Variants in NDST3 observed in about 807,000 individuals in gnomAD.
The protein encoded by NDST3 is N-deacetylase and N-sulfotransferase 3, also known as bifunctional heparan sulfate N-deacetylase/N-sulfotransferase 3.
In NDST3, 58 loss-of-function variants were observed where a neutral mutation model predicts 96.1. That is an observed-to-expected ratio of 0.60 (90% CI 0.49 to 0.75). The LOEUF (loss-of-function observed/expected upper bound fraction) is 0.75, where lower values mean the gene tolerates loss of function less well. Ranked by LOEUF, NDST3 falls within the 30% of genes least tolerant of loss-of-function variation. The pLI is 0.00. For synonymous variants in NDST3, 333 were observed against 359.7 expected, an observed-to-expected ratio of 0.93 and a Z score of 0.84; for missense variants, 788 against 1,034.2, an observed-to-expected ratio of 0.76 and a Z score of 3.27.
chr4:118,066,971 A>G (rs1218312772), intron 2 of NDST3, among the ~76,000 whole-genome samples: 1 of 140,618 alleles, frequency 7.1e-6, no homozygotes, highest in East Asian at 2.0e-4. Context: ...ATATAGTGCT[A>G]GAACAACATA....
intron 1 of NDST3, among the ~76,000 whole-genome samples, chr4:118,034,878 T>C (rs1578515385): frequency 6.6e-6 from 1 of 152,234 alleles, no homozygotes; most frequent in East Asian, 1.9e-4. Flanking sequence ...ATAATGATTC[T>C]GAAGTAGATC....
At chr4:118,224,401 T>G in intron 6 of NDST3, 90 bp from the exon 7 acceptor site, 1 of 1,251,132 alleles carries the variant, frequency 8.0e-7, no homozygotes, top group East Asian at 2.4e-5. Context: ...GCAGACTACT[T>G]AAGGAAAAAA....
chr4:118,214,959 T>G (rs767014723), intron 6 of NDST3, among the ~76,000 whole-genome samples: 35 of 152,152 alleles, frequency 2.3e-4, no homozygotes, highest in Non-Finnish European at 4.4e-4. Context: ...TTTAGCTGGT[T>G]AGGTGCTAGG....
At chr4:118,245,997 A>G (rs1477123256) in intron 12 of NDST3, among the ~76,000 whole-genome samples, 2 of 152,178 alleles carry the variant, frequency 1.3e-5, no homozygotes, top group Non-Finnish European at 2.9e-5. Context: ...AGAACCACAG[A>G]AAAACAATAC....
chr4:118,187,346 T>C (rs965924793), intron 6 of NDST3, among the ~76,000 whole-genome samples: 1 of 152,248 alleles, frequency 6.6e-6, no homozygotes, highest in Non-Finnish European at 1.5e-5. Context: ...GATAAATTTC[T>C]AATCATTGCC....
At chr4:118,140,110 C>G (rs938264842) in intron 5 of NDST3, among the ~76,000 whole-genome samples, 2 of 152,130 alleles carry the variant, frequency 1.3e-5, no homozygotes, top group African/African-American at 4.8e-5. Context: ...TCCTATTTCC[C>G]TATGGCTGAA....
At chr4:118,098,691 T>C (rs1044843491) in intron 2 of NDST3, among the ~76,000 whole-genome samples, 2 of 152,090 alleles carry the variant, frequency 1.3e-5, no homozygotes, top group African/African-American at 2.4e-5. Flanking sequence ...TTGTCCTTAC[T>C]CTGTTATTAC....
intron 5 of NDST3, among the ~76,000 whole-genome samples, chr4:118,140,536 A>G (rs1733485509): frequency 6.6e-6 from 1 of 152,182 alleles, no homozygotes; most frequent in Admixed American, 6.5e-5. Flanking sequence ...GACTCTCTGG[A>G]AAGAACCAGT....
At chr4:118,134,338 G>T (rs903030881) in intron 4 of NDST3, among the ~76,000 whole-genome samples, 3 of 152,186 alleles carry the variant, frequency 2.0e-5, no homozygotes, top group African/African-American at 7.2e-5. Flanking sequence ...TAAGTGGAAA[G>T]GGAAATCAGG....
chr4:118,141,263 C>T (rs1263945042), intron 5 of NDST3, among the ~76,000 whole-genome samples: 1 of 152,178 alleles, frequency 6.6e-6, no homozygotes, highest in Non-Finnish European at 1.5e-5. Flanking sequence ...GGGCAGTCCA[C>T]AGCAGAATGC....
intron 6 of NDST3, among the ~76,000 whole-genome samples, chr4:118,189,326 C>A (rs1737158591): frequency 6.6e-6 from 1 of 152,198 alleles, no homozygotes; most frequent in African/African-American, 2.4e-5. Flanking sequence ...GCTGGGATTA[C>A]AGGCATGAGC....
intron 6 of NDST3, among the ~76,000 whole-genome samples, chr4:118,167,297 C>T (rs1735615961): frequency 6.6e-6 from 1 of 151,574 alleles, no homozygotes; most frequent in South Asian, 2.1e-4. Context: ...ATTAAGAAAA[C>T]AATCCCATTT....
At chr4:118,192,125 T>C (rs1436851119) in intron 6 of NDST3, among the ~76,000 whole-genome samples, 4 of 152,222 alleles carry the variant, frequency 2.6e-5, no homozygotes, top group Non-Finnish European at 5.9e-5. Flanking sequence ...ACATTTTTTA[T>C]CAAATTATTA....
intron 2 of NDST3, among the ~76,000 whole-genome samples, chr4:118,088,513 AC>A (rs1409276191): frequency 6.6e-6 from 1 of 152,042 alleles, no homozygotes; most frequent in African/African-American, 2.4e-5. Flanking sequence ...ATACCTTCTC[AC>A]AGTACCAGGA....
intron 1 of NDST3, among the ~76,000 whole-genome samples, chr4:118,046,734 C>G (rs902103189): frequency 1.5e-4 from 23 of 152,274 alleles, no homozygotes; most frequent in African/African-American, 5.5e-4. Flanking sequence ...CTCAGGAATG[C>G]CAAGCCAAGT....
At chr4:118,183,176 C>T (rs1736713702) in intron 6 of NDST3, among the ~76,000 whole-genome samples, 1 of 152,146 alleles carries the variant, frequency 6.6e-6, no homozygotes, top group Non-Finnish European at 1.5e-5. Context: ...GGAGGGCTGT[C>T]CTTGGAAAAC....
intron 4 of NDST3, among the ~76,000 whole-genome samples, chr4:118,126,026 A>G (rs2125880947): frequency 6.6e-6 from 1 of 152,122 alleles, no homozygotes; most frequent in South Asian, 2.1e-4. Flanking sequence ...TGCGGCTACT[A>G]CAGGACTCCT....
In NDST3 at chr4:118,054,909, C is replaced by G; in HGVS notation, c.981+18C>G. Reference sequence around the variant, plus strand: ...ATGTAAAGGTAAGGCTCTATTTTCTCAAGTTTCAAAGTTCAGTTCATCTTC... The same window carrying G: ...ATGTAAAGGTAAGGCTCTATTTTCTGAAGTTTCAAAGTTCAGTTCATCTTC... On this transcript the variant is annotated intron_variant, in intron 2 of 13. Transcript: ENST00000296499. 1 of 1,604,306 alleles carries G rather than the reference C, an allele frequency of 6.2e-7. No homozygotes were observed. Among genetic ancestry groups the G allele is most frequent in the Non-Finnish European group, 8.5e-7 (1 of 1,178,634 alleles).
rs951482477 is a variant in NDST3, at chr4:118,205,370, A to G, written c.1540-19121A>G. 6.9e-5 allele frequency among the ~76,000 whole-genome samples: 10 copies of G among 144,846 alleles called. 2 individuals are homozygous for G. The highest frequency in any genetic ancestry group is 2.3e-4 in the African/African-American group (9 of 39,306). ...AGATACATTGAGTTTATCTATTTAT[A>G]TATCATTTAAAAAACAGAATGGAAA... is the stretch of plus-strand genomic sequence containing the variant. On this transcript the variant is annotated intron_variant, in intron 6 of 13. Transcript: ENST00000296499.
Sources: allele counts gnomAD v4.1 joint callset (sites outside exome capture counted in the v4.1 genomes callset), GRCh38; gene constraint gnomAD v4.1.1; transcripts MANE v1.5; gene names NCBI Gene and HGNC (gene_info 2026-07-23, HGNC 2026-07-21).